Variants in PRKCA observed in about 807,000 individuals in gnomAD.
PRKCA encodes protein kinase C alpha type.
In PRKCA, 27 loss-of-function variants were observed where a neutral mutation model predicts 87.0. The observed-to-expected ratio is 0.31, with a 90% CI of 0.23 to 0.43. The LOEUF is 0.43. Among genes scored for constraint, PRKCA ranks in the 20% least tolerant of loss-of-function variants. PRKCA has a pLI of 1.00. For synonymous variants in PRKCA, 329 were observed against 311.1 expected (o/e 1.06, Z -0.61); for missense variants, 518 against 852.3 (o/e 0.61, Z 4.88).
intron 2 of PRKCA, among the ~76,000 whole-genome samples, chr17:66,333,841 C>T (rs1231259372): frequency 6.6e-6 from 1 of 152,146 alleles, no homozygotes; most frequent in Admixed American, 6.5e-5. Context: ...TTCATTGAAA[C>T]CTGGGGGTTA....
At chr17:66,513,866 T>C (rs1408147195) in intron 3 of PRKCA, among the ~76,000 whole-genome samples, 3 of 152,220 alleles carry the variant, frequency 2.0e-5, no homozygotes, top group African/African-American at 4.8e-5. Context: ...ACCTAAAAGA[T>C]GGAAATCATT....
chr17:66,474,422 A>G (rs1325196474), intron 2 of PRKCA, among the ~76,000 whole-genome samples: 1 of 152,238 alleles, frequency 6.6e-6, no homozygotes, highest in Non-Finnish European at 1.5e-5. Context: ...GAGTCAGCCT[A>G]GCTGGAAGGC....
intron 3 of PRKCA, among the ~76,000 whole-genome samples, chr17:66,621,410 TTC>T (rs1408294208): frequency 6.6e-6 from 1 of 152,194 alleles, no homozygotes; most frequent in Non-Finnish European, 1.5e-5. Flanking sequence ...TTTCCTCGTA[TTC>T]TTTGTGTTTA....
At chr17:66,721,278 T>C (rs1238510153) in intron 8 of PRKCA, among the ~76,000 whole-genome samples, 2 of 151,334 alleles carry the variant, frequency 1.3e-5, no homozygotes, top group African/African-American at 4.9e-5. Context: ...GCACCTGTAG[T>C]CCCAGCTACT....
At chr17:66,693,548 T>C (rs1972835552) in intron 8 of PRKCA, among the ~76,000 whole-genome samples, 1 of 152,156 alleles carries the variant, frequency 6.6e-6, no homozygotes, top group Non-Finnish European at 1.5e-5. Flanking sequence ...CCCCTGAATC[T>C]CCAGGCACTA....
intron 4 of PRKCA, among the ~76,000 whole-genome samples, chr17:66,642,757 C>T (rs1313997431): frequency 6.9e-6 from 1 of 145,384 alleles, no homozygotes; most frequent in Non-Finnish European, 1.5e-5. Flanking sequence ...TGTTTGTTTA[C>T]TTCAAGAAAC....
intron 2 of PRKCA, among the ~76,000 whole-genome samples, chr17:66,343,514 A>G (rs947554108): frequency 6.6e-6 from 1 of 152,140 alleles, no homozygotes; most frequent in Non-Finnish European, 1.5e-5. Context: ...TGTTATGATC[A>G]GGTTTAGAAG....
chr17:66,408,784 T>G (rs1366225410), intron 2 of PRKCA, among the ~76,000 whole-genome samples: 2 of 152,014 alleles, frequency 1.3e-5, no homozygotes, highest in Non-Finnish European at 2.9e-5. Flanking sequence ...CCGGGCGCGG[T>G]GGCTTGCACC....
At chr17:66,554,254 C>T (rs11867685) in intron 3 of PRKCA, among the ~76,000 whole-genome samples, 22,547 of 144,208 alleles carry the variant, frequency 0.16, 1,730 homozygotes, top group Middle Eastern at 0.24. Flanking sequence ...AAAAAAAAAA[C>T]GAGAGAAAAA....
Position 66,792,811 on chromosome 17 carries a change from T to C in PRKCA, c.1854+3832T>C, listed in dbSNP as rs945411775. Reference sequence around the variant, plus strand: ...CTTCCCTGGCAGTGGCCATCTCCCCTGGTGGTGGCAGGGTCCCATGGCGGT... The same window carrying C: ...CTTCCCTGGCAGTGGCCATCTCCCCCGGTGGTGGCAGGGTCCCATGGCGGT... On this transcript the variant is annotated intron_variant, in intron 16 of 16. Transcript: ENST00000413366. This position sits in a 1 kb window ranked among gnomAD's most constrained non-coding sequence, Gnocchi z 4.5. Among the ~76,000 whole-genome samples the C allele has an allele frequency of 6.6e-6, 1 of 152,076 alleles. No individual in the cohort carries two copies. Among genetic ancestry groups the C allele is most frequent in the Non-Finnish European group, 1.5e-5 (1 of 68,000 alleles).
At chr17:66,433,519 T>G (rs890922072) in intron 2 of PRKCA, among the ~76,000 whole-genome samples, 3 of 152,100 alleles carry the variant, frequency 2.0e-5, no homozygotes, top group Non-Finnish European at 1.5e-5. Context: ...TTCCTCCAGC[T>G]CAGAAGTTGA....
Position 66,368,298 on chromosome 17 carries a change from ATGTG to A in PRKCA, c.205+62185_205+62188del, listed in dbSNP as rs931055675. Among the ~76,000 whole-genome samples, 218 of 141,326 alleles carry A rather than the reference ATGTG, an allele frequency of 1.5e-3. 1 individual carries two copies. Among genetic ancestry groups the A allele is most frequent in the Non-Finnish European group, 2.3e-3 (152 of 66,062 alleles). 92.7% of individuals were successfully genotyped at this position (141,326 alleles called of 152,430 possible). Reference sequence around the variant, plus strand: ...TTAGCCTATATATATACACACATATATGTGTGTGTGTGTGTGTTTATCTATATGT... The same window carrying A: ...TTAGCCTATATATATACACACATATATGTGTGTGTGTGTTTATCTATATGT... On this transcript the variant is annotated intron_variant, in intron 2 of 16. Transcript: ENST00000413366.
intron 5 of PRKCA, among the ~76,000 whole-genome samples, chr17:66,657,408 GTGT>G (rs1487283032): frequency 6.6e-6 from 1 of 152,206 alleles, no homozygotes; most frequent in Non-Finnish European, 1.5e-5. Flanking sequence ...CCTGAAGGAA[GTGT>G]TGTTTCATCA....
At chr17:66,425,383 TG>T (rs1170733252) in intron 2 of PRKCA, among the ~76,000 whole-genome samples, 3 of 152,114 alleles carry the variant, frequency 2.0e-5, no homozygotes, top group Non-Finnish European at 4.4e-5. Flanking sequence ...GTGTGTGGTT[TG>T]GTATTTTTCT....
At chr17:66,655,569 T>C (rs181943021) in intron 5 of PRKCA, among the ~76,000 whole-genome samples, 15 of 152,364 alleles carry the variant, frequency 9.8e-5, no homozygotes, top group Admixed American at 7.2e-4. Flanking sequence ...ACATGTATTA[T>C]GAGATTTCAC....
intron 2 of PRKCA, among the ~76,000 whole-genome samples, chr17:66,458,653 G>A (rs1914691853): frequency 6.6e-6 from 1 of 151,944 alleles, no homozygotes; most frequent in Non-Finnish European, 1.5e-5. Context: ...GCTAATTTTT[G>A]TATTTTTAGT....
intron 2 of PRKCA, among the ~76,000 whole-genome samples, chr17:66,350,298 G>A (rs1469599644): frequency 1.3e-5 from 2 of 152,114 alleles, no homozygotes; most frequent in Non-Finnish European, 2.9e-5. Context: ...GACCAAATGA[G>A]CCGTCTGAGT....
intron 3 of PRKCA, among the ~76,000 whole-genome samples, chr17:66,628,459 T>G (rs945484254): frequency 6.6e-6 from 1 of 152,168 alleles, no homozygotes; most frequent in African/African-American, 2.4e-5. Context: ...CATAAACTGT[T>G]AGATTTTTTA....
intron 3 of PRKCA, among the ~76,000 whole-genome samples, chr17:66,608,732 G>A (rs772336012): frequency 6.6e-6 from 1 of 152,210 alleles, no homozygotes; most frequent in Non-Finnish European, 1.5e-5. Flanking sequence ...CTCCAGGAAG[G>A]TTGGGAAGGA....
Sources: gnomAD v4.1 joint callset for allele counts (sites outside exome capture counted in the v4.1 genomes callset) on GRCh38, gnomAD v4.1.1 for gene constraint, Gnocchi (gnomAD v3.1) non-coding constraint, MANE v1.5 for transcripts, NCBI Gene and HGNC (gene_info 2026-07-23, HGNC 2026-07-21) for gene names.